DCAF6: variants seen among roughly 807,000 people sequenced by gnomAD.
The protein encoded by DCAF6 is DDB1 and CUL4 associated factor 6.
Under a neutral mutation model 125.1 loss-of-function variants are expected in DCAF6, and 54 were observed. The observed-to-expected ratio is 0.43, with a 90% CI of 0.35 to 0.54. DCAF6 has a LOEUF of 0.54. Ranked by LOEUF, DCAF6 falls within the 20% of genes least tolerant of loss-of-function variation. The pLI is 0.01. For missense variants in DCAF6, 934 were observed against 1,161.7 expected (o/e 0.80, Z 2.85); for synonymous variants, 371 against 390.4 (o/e 0.95, Z 0.58).
Position 167,997,786 on chromosome 1 carries a change from A to G in DCAF6, c.903+4346A>G, listed in dbSNP as rs78536146. On this transcript the variant is annotated intron_variant, in intron 7 of 21. Coordinates refer to ENST00000367840, the MANE Select transcript of DCAF6 (RefSeq NM_001198956.2). Reference sequence around the variant, plus strand: ...ATGTATAAGGAACACTTACAGTGCAACAATAAAAAGACAAATATCCAAACT... The same window carrying G: ...ATGTATAAGGAACACTTACAGTGCAGCAATAAAAAGACAAATATCCAAACT... Among the ~76,000 whole-genome samples, 696 of 152,316 alleles carry G rather than the reference A, an allele frequency of 4.6e-3. 8 individuals carry two copies. The East Asian group carries it at 0.058, about 13-fold the overall frequency.
chr1:168,061,075 G>GA (rs1201128137), intron 17 of DCAF6, among the ~76,000 whole-genome samples: 1 of 151,992 alleles, frequency 6.6e-6, no homozygotes, highest in Non-Finnish European at 1.5e-5. Context: ...CTTCCATTCA[G>GA]AAAAATGAGA....
chr1:167,863,978 C>T, the DCAF6 span, among the ~76,000 whole-genome samples: 1 of 152,006 alleles, frequency 6.6e-6, no homozygotes, highest in Non-Finnish European at 1.5e-5. Flanking sequence ...GGGAACTTGC[C>T]CACTCCATTC....
Position 167,936,986 on chromosome 1 carries a change from C to T in DCAF6, c.75C>T (p.Ser25=), listed in dbSNP as rs776912687. The T allele has an allele frequency of 8.7e-6, 14 of 1,610,456 alleles. No individual in the cohort carries two copies. The highest frequency in any genetic ancestry group is 1.1e-5 in the Non-Finnish European group (13 of 1,179,024). Residue 25 remains serine (S), a synonymous_variant, in exon 1 of 22, where the codon TCC becomes TCT. Coordinates refer to ENST00000367840, the MANE Select transcript of DCAF6 (RefSeq NM_001198956.2). The part of the protein sequence containing the change: ...RKRSLGLEDP[S]RLRSRYLGRR... ...GGTCCCTCGGGCTGGAGGACCCGTC[C>T]CGGCTGCGGAGTCGCTACCTGGGTG...
At chr1:167,981,266 C>T (rs145964607) in intron 4 of DCAF6, among the ~76,000 whole-genome samples, 15 of 152,130 alleles carry the variant, frequency 9.9e-5, no homozygotes, top group East Asian at 7.7e-4. Context: ...ATCTTTAATC[C>T]GTTTTGAATT....
chr1:167,903,092 T>G, the DCAF6 span, among the ~76,000 whole-genome samples: 1 of 147,768 alleles, frequency 6.8e-6, no homozygotes, highest in Admixed American at 6.7e-5. Context: ...CTATCTCTAC[T>G]GAAAAAAATA....
chr1:167,976,886 GTTTTTTTTTTTTTTTTT>G (rs397981860), intron 4 of DCAF6, among the ~76,000 whole-genome samples: 91 of 38,078 alleles, frequency 2.4e-3, no homozygotes, highest in South Asian at 0.011. Flanking sequence ...TCCTTTAGCA[GTTTTTTTTTTTTTTTTT>G]TTTTTTTTTT....
chr1:167,872,546 TG>T, the DCAF6 span, among the ~76,000 whole-genome samples: 4 of 151,936 alleles, frequency 2.6e-5, no homozygotes, highest in Non-Finnish European at 4.4e-5. Context: ...TATCGGGGAC[TG>T]TTGTATGCAG....
chr1:167,933,791 T>C (rs1054574339), upstream of DCAF6, among the ~76,000 whole-genome samples: 1 of 152,232 alleles, frequency 6.6e-6, no homozygotes, highest in African/African-American at 2.4e-5. Flanking sequence ...CTGGTGTGCC[T>C]CCAACTTGTC....
At chr1:167,899,696 T>A in the DCAF6 span, 2 of 1,480,790 alleles carry the variant, frequency 1.4e-6, no homozygotes, top group Non-Finnish European at 9.3e-7. Context: ...CACAGGTTTT[T>A]GGAAAAACCA....
At chr1:168,057,333 T>C (rs934622082) in intron 17 of DCAF6, among the ~76,000 whole-genome samples, 1 of 152,200 alleles carries the variant, frequency 6.6e-6, no homozygotes, top group South Asian at 2.1e-4. Context: ...ATAGACTGTT[T>C]CTGCTTCATG....
upstream of DCAF6, chr1:167,936,038 G>A: frequency 1.7e-6 from 1 of 598,548 alleles, no homozygotes; most frequent in Non-Finnish European, 3.0e-6. Flanking sequence ...GGTTGAGGGG[G>A]CGGAGGCTGC....
At chr1:167,965,612 C>T (rs370705581) in intron 2 of DCAF6, among the ~76,000 whole-genome samples, 65 of 152,206 alleles carry the variant, frequency 4.3e-4, no homozygotes, top group Middle Eastern at 3.4e-3. Flanking sequence ...ACCCCCACCG[C>T]ATGACTGGGT....
chr1:167,893,528 C>T, the DCAF6 span, among the ~76,000 whole-genome samples: 1 of 151,834 alleles, frequency 6.6e-6, no homozygotes, highest in Non-Finnish European at 1.5e-5. Context: ...GTCAGGCCAA[C>T]ATGGTGAAGC....
chr1:168,014,173 C>A (rs1373001221), intron 10 of DCAF6, among the ~76,000 whole-genome samples: 1 of 152,180 alleles, frequency 6.6e-6, no homozygotes, highest in African/African-American at 2.4e-5. Context: ...CTTAAACCTG[C>A]TGCTATCAGA....
chr1:168,023,766 A>G (rs1373691065), intron 12 of DCAF6: 2 of 152,282 alleles, frequency 1.3e-5, no homozygotes, highest in African/African-American at 2.4e-5. Context: ...TAGGAAGACT[A>G]AAAACTAAAA....
chr1:167,920,867 GT>G, the DCAF6 span, among the ~76,000 whole-genome samples: 1 of 152,106 alleles, frequency 6.6e-6, no homozygotes, highest in Non-Finnish European at 1.5e-5. Flanking sequence ...ATATCTGAAA[GT>G]CAGTAGTACA....
the DCAF6 span, among the ~76,000 whole-genome samples, chr1:167,891,261 A>G: frequency 1.3e-5 from 2 of 151,898 alleles, no homozygotes; most frequent in Non-Finnish European, 2.9e-5. Flanking sequence ...CGCTTGGCTC[A>G]TCTAACATTT....
At chr1:167,967,560 T>A (rs115449347) in intron 3 of DCAF6, among the ~76,000 whole-genome samples, 2,788 of 152,210 alleles carry the variant, frequency 0.018, 77 homozygotes, top group African/African-American at 0.064. Flanking sequence ...GTTTTAGAAA[T>A]ATGACTAAAT....
At chr1:168,022,061 G>A (rs762820579) in intron 11 of DCAF6, among the ~76,000 whole-genome samples, 19 of 151,836 alleles carry the variant, frequency 1.3e-4, no homozygotes, top group Non-Finnish European at 2.2e-4. Flanking sequence ...TCTTGCTTAG[G>A]TTACTAGATC....
Sources: allele counts gnomAD v4.1 joint callset (sites outside exome capture counted in the v4.1 genomes callset), GRCh38; gene constraint gnomAD v4.1.1; transcripts MANE v1.5; gene names NCBI Gene and HGNC (gene_info 2026-07-23, HGNC 2026-07-21).